The following SLC25A13 variants were observed in gnomAD, a reference collection of about 807,000 sequenced individuals.
The protein encoded by SLC25A13 is electrogenic aspartate/glutamate antiporter SLC25A13, mitochondrial.
In SLC25A13, 70 loss-of-function variants were observed where a neutral mutation model predicts 85.5. The observed-to-expected ratio is 0.82, with a 90% CI of 0.68 to 1.00. The LOEUF (loss-of-function observed/expected upper bound fraction) is 1.00, where lower values mean the gene tolerates loss of function less well. SLC25A13 is among the 50% of genes least tolerant of loss of function. The pLI, the probability that SLC25A13 is intolerant of heterozygous loss-of-function variation, is 0.00. For synonymous variants in SLC25A13, 259 were observed against 288.7 expected, an observed-to-expected ratio of 0.90 and a Z score of 1.04; for missense variants, 765 against 819.8, an observed-to-expected ratio of 0.93 and a Z score of 0.82.
At chr7:96,216,748 G>A (rs182355022) in intron 4 of SLC25A13, among the ~76,000 whole-genome samples, 1 of 152,088 alleles carries the variant, frequency 6.6e-6, no homozygotes, top group East Asian at 1.9e-4. Context: ...CCTACCAGAG[G>A]GTAAAGGGTG....
intron 5 of SLC25A13, among the ~76,000 whole-genome samples, chr7:96,200,929 C>T (rs1373716669): frequency 1.3e-5 from 2 of 152,144 alleles, no homozygotes; most frequent in East Asian, 1.9e-4. Flanking sequence ...GTGGCTGGAA[C>T]GTGTCCTGCA....
chr7:96,305,379 T>C (rs1044006630), intron 1 of SLC25A13, among the ~76,000 whole-genome samples: 1 of 152,234 alleles, frequency 6.6e-6, no homozygotes, highest in Non-Finnish European at 1.5e-5. Flanking sequence ...TTATGATTCA[T>C]AAATGCCCAT....
chr7:96,279,308 T>C (rs913918589), intron 2 of SLC25A13, among the ~76,000 whole-genome samples: 2 of 152,188 alleles, frequency 1.3e-5, no homozygotes, highest in Admixed American at 6.5e-5. Context: ...ATTTCTTCCA[T>C]TACTTTTCTA....
intron 11 of SLC25A13, among the ~76,000 whole-genome samples, chr7:96,182,298 A>C (rs1794447010): frequency 6.6e-6 from 1 of 152,194 alleles, no homozygotes; most frequent in South Asian, 2.1e-4. Context: ...TTTTACAGTA[A>C]ATTTTTTGTT....
chr7:96,274,894 C>T (rs371712264), intron 3 of SLC25A13, among the ~76,000 whole-genome samples: 3,168 of 152,250 alleles, frequency 0.021, 70 homozygotes, highest in African/African-American at 0.055. Flanking sequence ...CAGTACCATG[C>T]TGTTTTGGTT....
intron 4 of SLC25A13, among the ~76,000 whole-genome samples, chr7:96,221,656 G>A (rs575201337): frequency 4.6e-5 from 7 of 152,186 alleles, no homozygotes; most frequent in African/African-American, 1.7e-4. Context: ...CATTCCTCTA[G>A]CTTTATATAT....
At chr7:96,261,159 T>C (rs577191546) in intron 3 of SLC25A13, among the ~76,000 whole-genome samples, 1 of 152,116 alleles carries the variant, frequency 6.6e-6, no homozygotes, top group Non-Finnish European at 1.5e-5. Context: ...TTCATTCAAG[T>C]CTTTGCCCAA....
rs1285751415 is a variant in SLC25A13, at chr7:96,247,634, C to T, written c.213-12717G>A. Among the ~76,000 whole-genome samples, 5 of 152,094 alleles carry T rather than the reference C, an allele frequency of 3.3e-5. No individual in the cohort carries two copies. The East Asian group carries it at 7.7e-4, about 23-fold the overall frequency. On this transcript the variant is annotated intron_variant, in intron 3 of 17. Coordinates refer to ENST00000265631, the MANE Select transcript of SLC25A13 (RefSeq NM_014251.3). Reference sequence around the variant, plus strand: ...CAAAATGAACTTAAAGAATAAGGTGCTTAAAAATCAAGGTATATAGGAATA... The same window carrying T: ...CAAAATGAACTTAAAGAATAAGGTGTTTAAAAATCAAGGTATATAGGAATA...
At chr7:96,181,977 G>A (rs1794436292) in intron 11 of SLC25A13, among the ~76,000 whole-genome samples, 1 of 152,160 alleles carries the variant, frequency 6.6e-6, no homozygotes, top group Non-Finnish European at 1.5e-5. Flanking sequence ...TGATAATACT[G>A]AGTCTCAGAA....
At position 96,120,365 on chromosome 7, in the gene SLC25A13, C is replaced by T. The variant is rs1791448899; in HGVS notation, c.*826G>A. 1 of 453,872 alleles carries T rather than the reference C, an allele frequency of 2.2e-6. No individual in the cohort carries two copies. The highest frequency in any genetic ancestry group is 2.0e-5 in the African/African-American group (1 of 49,966). The allele number at this position is 453,872 out of a possible 1,614,324, so 28.1% of individuals were successfully genotyped here. ...GTGGATTTTAAAAGCAAGTGGGTAC[C>T]AATGATGGGGAGATGAGGAGAATAG... On this transcript the variant is annotated 3_prime_UTR_variant, in exon 18 of 18. Transcript: ENST00000265631.
intron 14 of SLC25A13, among the ~76,000 whole-genome samples, chr7:96,133,511 G>C (rs1456980258): frequency 1.3e-5 from 2 of 152,244 alleles, no homozygotes; most frequent in African/African-American, 4.8e-5. Flanking sequence ...TACTCTAAGA[G>C]TTTTTTCCAC....
intron 2 of SLC25A13, among the ~76,000 whole-genome samples, chr7:96,288,541 G>A (rs953318886): frequency 3.3e-5 from 5 of 152,164 alleles, no homozygotes; most frequent in Admixed American, 6.5e-5. Flanking sequence ...GGTAACAGAC[G>A]GCACCTGGAA....
chr7:96,120,530 G>C lies in SLC25A13; in HGVS notation c.*661C>G. 1.5e-5 allele frequency: 7 copies of C among 454,488 alleles called. No individual in the cohort carries two copies. The highest frequency in any genetic ancestry group is 1.1e-4 in the South Asian group (7 of 64,466). The allele number at this position is 454,488 out of a possible 1,614,324, so 28.2% of individuals were successfully genotyped here. A position where few individuals can be genotyped will look rare whatever the true frequency, so the allele number is the denominator to read the frequency against. On this transcript the variant is annotated 3_prime_UTR_variant, in exon 18 of 18. Coordinates refer to ENST00000265631, the MANE Select transcript of SLC25A13 (RefSeq NM_014251.3). ...GGCTACATCTCAGTTTTTTCTGTCT[G>C]TACAGTAAAATGCCAAAAGTACTTC... is the stretch of plus-strand genomic sequence containing the variant.
chr7:96,155,557 T>C (rs1040801566), intron 13 of SLC25A13, among the ~76,000 whole-genome samples: 4 of 152,190 alleles, frequency 2.6e-5, no homozygotes, highest in Non-Finnish European at 5.9e-5. Context: ...TTCACCCATG[T>C]CTGCCCTCTA....
At chr7:96,290,558 T>A in intron 2 of SLC25A13, among the ~76,000 whole-genome samples, 1 of 138,556 alleles carries the variant, frequency 7.2e-6, no homozygotes. Context: ...ACACATAGGC[T>A]CAAAATAAAG....
At chr7:96,297,063 A>T in intron 1 of SLC25A13, 112 bp from the exon 2 acceptor site, 1 of 968,970 alleles carries the variant, frequency 1.0e-6, no homozygotes, top group Non-Finnish European at 1.7e-6. Flanking sequence ...TCATTTTTGT[A>T]CTTAAATACC....
chr7:96,173,619 T>A (rs199545124), intron 11 of SLC25A13, among the ~76,000 whole-genome samples: 5,179 of 152,282 alleles, frequency 0.034, 220 homozygotes, highest in African/African-American at 0.1. Context: ...CTCACTATGT[T>A]GCCCAGACCA....
At chr7:96,209,215 C>T (rs1006819793) in intron 4 of SLC25A13, among the ~76,000 whole-genome samples, 2 of 152,060 alleles carry the variant, frequency 1.3e-5, no homozygotes, top group Non-Finnish European at 2.9e-5. Flanking sequence ...GTCTCTCACA[C>T]ACACACAACC....
At chr7:96,283,065 A>G (rs943117540) in intron 2 of SLC25A13, among the ~76,000 whole-genome samples, 8 of 152,232 alleles carry the variant, frequency 5.3e-5, no homozygotes, top group Non-Finnish European at 1.2e-4. Context: ...AAGGGGAATC[A>G]CAAGCCTTAA....
Sources: gnomAD v4.1 joint callset for allele counts (sites outside exome capture counted in the v4.1 genomes callset) on GRCh38, gnomAD v4.1.1 for gene constraint, MANE v1.5 for transcripts, NCBI Gene and HGNC (gene_info 2026-07-23, HGNC 2026-07-21) for gene names.